The following SLC14A2 variants were observed in gnomAD, a reference collection of about 807,000 sequenced individuals.
SLC14A2 encodes solute carrier family 14 member 2, also known as urea transporter 2.
Under a neutral mutation model 104.6 loss-of-function variants are expected in SLC14A2, and 91 were observed. That is an observed-to-expected ratio of 0.87 (90% CI 0.73 to 1.04). The LOEUF is 1.04. SLC14A2 is among the 50% of genes least tolerant of loss of function. The pLI, the probability that SLC14A2 is intolerant of heterozygous loss-of-function variation, is 0.00. For synonymous variants in SLC14A2, 476 were observed against 466.4 expected (o/e 1.02, Z -0.27); for missense variants, 1,189 against 1,156.0 (o/e 1.03, Z -0.41).
intron 2 of SLC14A2, among the ~76,000 whole-genome samples, chr18:45,579,926 C>A (rs1018019821): frequency 6.6e-6 from 1 of 152,058 alleles, no homozygotes; most frequent in African/African-American, 2.4e-5. Context: ...AAGAATACCA[C>A]GTGGGAGAAC....
At chr18:45,244,509 CCA>C (rs2084349681) in intron 1 of SLC14A2, among the ~76,000 whole-genome samples, 1 of 152,014 alleles carries the variant, frequency 6.6e-6, no homozygotes, top group South Asian at 2.1e-4. Context: ...CCCTGTAATC[CCA>C]GTTACTTGGG....
intron 1 of SLC14A2, among the ~76,000 whole-genome samples, chr18:45,341,643 C>T (rs1051532254): frequency 3.6e-5 from 5 of 138,486 alleles, no homozygotes; most frequent in African/African-American, 1.4e-4. Flanking sequence ...TTTACTTGGC[C>T]ACCTAGTGGT....
At chr18:45,326,119 T>C (rs1290348672) in intron 1 of SLC14A2, among the ~76,000 whole-genome samples, 2 of 152,192 alleles carry the variant, frequency 1.3e-5, no homozygotes, top group Non-Finnish European at 2.9e-5. Context: ...TTTCCTACCA[T>C]CTTTCTGAAT....
intron 10 of SLC14A2, among the ~76,000 whole-genome samples, chr18:45,658,991 C>T (rs1474957425): frequency 2.0e-5 from 3 of 152,202 alleles, no homozygotes; most frequent in Non-Finnish European, 2.9e-5. Context: ...AGGGCAGGGA[C>T]CGTGCCCCTG....
chr18:45,281,218 G>C (rs1192644810), intron 1 of SLC14A2, among the ~76,000 whole-genome samples: 1 of 152,170 alleles, frequency 6.6e-6, no homozygotes, highest in Non-Finnish European at 1.5e-5. Flanking sequence ...GGGGTTAACA[G>C]TGTCCCTGCT....
chr18:45,524,212 A>T (rs571669681), intron 2 of SLC14A2, among the ~76,000 whole-genome samples: 1 of 152,308 alleles, frequency 6.6e-6, no homozygotes, highest in South Asian at 2.1e-4. Flanking sequence ...GTGAGACTTG[A>T]CTGTTTACAG....
At chr18:45,205,785 A>G in the SLC14A2 span, among the ~76,000 whole-genome samples, 2 of 152,230 alleles carry the variant, frequency 1.3e-5, no homozygotes, top group African/African-American at 4.8e-5. Context: ...CCAGGAATCC[A>G]TTCATTCTTT....
At chr18:45,314,512 T>C (rs2085109446) in intron 1 of SLC14A2, among the ~76,000 whole-genome samples, 1 of 152,186 alleles carries the variant, frequency 6.6e-6, no homozygotes, top group Non-Finnish European at 1.5e-5. Context: ...ACCAGGATAA[T>C]GAAAGGTTGA....
intron 10 of SLC14A2, chr18:45,647,482 A>G (rs1355202181): frequency 6.6e-6 from 1 of 151,950 alleles, no homozygotes; most frequent in Non-Finnish European, 1.5e-5. Context: ...TGTCCTTTCT[A>G]CTTGTTTTGG....
chr18:45,500,017 C>G (rs2043166226), intron 2 of SLC14A2, among the ~76,000 whole-genome samples: 1 of 152,100 alleles, frequency 6.6e-6, no homozygotes, highest in African/African-American at 2.4e-5. Flanking sequence ...CAAAATAACT[C>G]TAGAGTCAAA....
At chr18:45,582,457 C>A (rs1451079312) in intron 2 of SLC14A2, among the ~76,000 whole-genome samples, 4 of 151,956 alleles carry the variant, frequency 2.6e-5, no homozygotes, top group African/African-American at 4.8e-5. Context: ...TGCTCTTGAC[C>A]ATTTGTGATA....
chr18:45,334,422 T>A (rs888178647), intron 1 of SLC14A2, among the ~76,000 whole-genome samples: 1 of 152,194 alleles, frequency 6.6e-6, no homozygotes, highest in African/African-American at 2.4e-5. Context: ...TGTTTTGTAA[T>A]TCTGGAAACT....
At chr18:45,546,265 C>T (rs556706293) in intron 2 of SLC14A2, among the ~76,000 whole-genome samples, 8 of 152,190 alleles carry the variant, frequency 5.3e-5, no homozygotes, top group South Asian at 2.1e-4. Context: ...ATCCTTAGAA[C>T]GAACTCCTAG....
At chr18:45,249,208 A>C (rs1055308699) in intron 1 of SLC14A2, among the ~76,000 whole-genome samples, 1 of 152,134 alleles carries the variant, frequency 6.6e-6, no homozygotes, top group Non-Finnish European at 1.5e-5. Flanking sequence ...TATATTTTAT[A>C]TAAGTACATT....
chr18:45,666,656 C>T (rs1158867575), intron 12 of SLC14A2, among the ~76,000 whole-genome samples: 1 of 150,692 alleles, frequency 6.6e-6, no homozygotes, highest in Non-Finnish European at 1.5e-5. Context: ...ACTGTTTGAC[C>T]TTGACCTTTG....
intron 2 of SLC14A2, among the ~76,000 whole-genome samples, chr18:45,531,533 T>G (rs898607346): frequency 2.0e-5 from 3 of 152,254 alleles, no homozygotes; most frequent in African/African-American, 7.2e-5. Flanking sequence ...CTTCACCCAC[T>G]TTTTGATGGG....
In SLC14A2 at chr18:45,535,202, C is replaced by T. The variant is rs573083732; in HGVS notation, c.-35+51880C>T. 8.3e-4 allele frequency among the ~76,000 whole-genome samples: 127 copies of T among 152,242 alleles called. 1 individual carries two copies. The highest frequency in any genetic ancestry group is 2.9e-3 in the African/African-American group (119 of 41,554). ...GTGAGTATCACTGCCCTTCATTTGC[C>T]GGGGAAGGAGCTTGTTAGCACTACA... On this transcript the variant is annotated intron_variant, in intron 2 of 20. Coordinates refer to the SLC14A2 transcript ENST00000586448.
chr18:45,330,699 G>A (rs1234621493), intron 1 of SLC14A2, among the ~76,000 whole-genome samples: 1 of 152,204 alleles, frequency 6.6e-6, no homozygotes, highest in Non-Finnish European at 1.5e-5. Context: ...TCTCCCGCCA[G>A]ACCCTTAACA....
At chr18:45,347,158 C>A (rs1325696519) in intron 1 of SLC14A2, among the ~76,000 whole-genome samples, 1 of 151,896 alleles carries the variant, frequency 6.6e-6, no homozygotes, top group Non-Finnish European at 1.5e-5. Flanking sequence ...GAGTTCGAGA[C>A]CAACCTGGGC....
Sources: allele counts gnomAD v4.1 joint callset (sites outside exome capture counted in the v4.1 genomes callset), GRCh38; gene constraint gnomAD v4.1.1; transcripts MANE v1.5; gene names NCBI Gene and HGNC (gene_info 2026-07-23, HGNC 2026-07-21).